ACER3: variants seen among roughly 807,000 people sequenced by gnomAD.
The protein encoded by ACER3 is alkaline ceramidase 3, also known as alkCDase 3.
In ACER3, 16 loss-of-function variants were observed where a neutral mutation model predicts 48.9. That is an observed-to-expected ratio of 0.33 (90% CI 0.22 to 0.50). The LOEUF (loss-of-function observed/expected upper bound fraction) is 0.50. Among genes scored for constraint, ACER3 ranks in the 20% least tolerant of loss-of-function variants. ACER3 has a pLI of 0.98. For missense variants in ACER3, 227 were observed against 326.0 expected (o/e 0.70, Z 2.34); for synonymous variants, 109 against 107.8 (o/e 1.01, Z -0.07).
At chr11:76,928,895 G>C (rs1012120061) in intron 2 of ACER3, among the ~76,000 whole-genome samples, 4 of 152,198 alleles carry the variant, frequency 2.6e-5, no homozygotes, top group African/African-American at 9.6e-5. Flanking sequence ...CAGGTAGAGT[G>C]ATGCCTCCAG....
intron 1 of ACER3, among the ~76,000 whole-genome samples, chr11:76,903,114 A>G (rs1040625997): frequency 1.3e-5 from 2 of 152,158 alleles, no homozygotes; most frequent in Admixed American, 1.3e-4. Flanking sequence ...TTTCCAAGCT[A>G]CATAGTTTGT....
intron 9 of ACER3, among the ~76,000 whole-genome samples, chr11:77,017,671 T>G (rs1021118625): frequency 6.6e-6 from 1 of 152,192 alleles, no homozygotes; most frequent in Non-Finnish European, 1.5e-5. Flanking sequence ...CAGATCAATC[T>G]TGAAAAAGAG....
chr11:76,941,039 ACG>A (rs56207128), intron 2 of ACER3, among the ~76,000 whole-genome samples: 66,380 of 136,024 alleles, frequency 0.49, 16,662 homozygotes, highest in Non-Finnish European at 0.6. Context: ...ACACACACAC[ACG>A]CACACACACA....
At chr11:77,002,744 C>A (rs1316616860) in intron 7 of ACER3, among the ~76,000 whole-genome samples, 1 of 152,070 alleles carries the variant, frequency 6.6e-6, no homozygotes, top group South Asian at 2.1e-4. Context: ...TTTTTTGGGG[C>A]ATTTTAAAAT....
intron 1 of ACER3, among the ~76,000 whole-genome samples, chr11:76,872,227 C>G (rs1031748888): frequency 1.3e-5 from 2 of 152,068 alleles, no homozygotes; most frequent in African/African-American, 4.8e-5. Context: ...CGGGCATGTG[C>G]CACCACCCCC....
chr11:76,900,012 A>G (rs1946039974), intron 1 of ACER3, among the ~76,000 whole-genome samples: 1 of 152,224 alleles, frequency 6.6e-6, no homozygotes, highest in Non-Finnish European at 1.5e-5. Context: ...TAATAAAGTA[A>G]GTGAAAGAAA....
At chr11:76,973,889 GTTAA>G (rs1948371513) in intron 3 of ACER3, among the ~76,000 whole-genome samples, 1 of 152,122 alleles carries the variant, frequency 6.6e-6, no homozygotes, top group African/African-American at 2.4e-5. Context: ...TCCATTTTGA[GTTAA>G]TTATTTATGT....
intron 1 of ACER3, among the ~76,000 whole-genome samples, chr11:76,861,316 G>A (rs989305117): frequency 5.5e-5 from 8 of 144,854 alleles, no homozygotes; most frequent in African/African-American, 2.0e-4. Context: ...GGATTGGGGG[G>A]GCAGAAGAGC....
intron 6 of ACER3, among the ~76,000 whole-genome samples, chr11:76,990,818 T>C (rs1024878757): frequency 6.6e-6 from 1 of 152,208 alleles, no homozygotes; most frequent in Non-Finnish European, 1.5e-5. Context: ...TATTCAGTAA[T>C]ACAGGTGCAA....
At chr11:77,019,617 ATGT>A in intron 9 of ACER3, 111 bp from the exon 10 acceptor site, 1 of 918,742 alleles carries the variant, frequency 1.1e-6, no homozygotes, top group Non-Finnish European at 1.8e-6. Context: ...GCATATACTC[ATGT>A]TGTTTTTGCT....
chr11:76,943,130 G>A (rs1291794203), intron 2 of ACER3, among the ~76,000 whole-genome samples: 1 of 151,600 alleles, frequency 6.6e-6, no homozygotes, highest in Non-Finnish European at 1.5e-5. Flanking sequence ...TTTTCATTTT[G>A]TTGATCCTTT....
At chr11:76,892,802 T>G (rs1945839635) in intron 1 of ACER3, among the ~76,000 whole-genome samples, 1 of 152,204 alleles carries the variant, frequency 6.6e-6, no homozygotes, top group African/African-American at 2.4e-5. Flanking sequence ...TCAGAAAGTC[T>G]TAGCCAGAGC....
intron 7 of ACER3, among the ~76,000 whole-genome samples, chr11:77,005,055 T>G (rs1308217366): frequency 2.4e-5 from 2 of 83,394 alleles, no homozygotes; most frequent in African/African-American, 4.3e-5. Flanking sequence ...TTTTTTTTTT[T>G]GAGACGGAGT....
intron 2 of ACER3, among the ~76,000 whole-genome samples, chr11:76,955,907 C>A (rs1947828052): frequency 6.6e-6 from 1 of 152,120 alleles, no homozygotes; most frequent in African/African-American, 2.4e-5. Context: ...CATAAATGAA[C>A]CTTGGAAACA....
chr11:76,876,139 T>C (rs1029807067), intron 1 of ACER3, among the ~76,000 whole-genome samples: 1 of 152,150 alleles, frequency 6.6e-6, no homozygotes, highest in Non-Finnish European at 1.5e-5. Flanking sequence ...TTTTGAGAAA[T>C]GCATACACCT....
chr11:76,958,343 T>A (rs1267044868), intron 2 of ACER3, among the ~76,000 whole-genome samples: 6 of 151,808 alleles, frequency 4.0e-5, no homozygotes, highest in African/African-American at 7.3e-5. Flanking sequence ...CCTGCCACCA[T>A]GACCAGCTAA....
chr11:76,934,044 A>G (rs543374449), intron 2 of ACER3, among the ~76,000 whole-genome samples: 7 of 151,372 alleles, frequency 4.6e-5, no homozygotes, highest in African/African-American at 1.7e-4. Context: ...CACATCTCAG[A>G]CAATGGGCGG....
chr11:76,970,677 GT>G (rs918156294), intron 3 of ACER3, among the ~76,000 whole-genome samples: 10 of 150,780 alleles, frequency 6.6e-5, no homozygotes, highest in African/African-American at 2.2e-4. Flanking sequence ...ATGTAGGTGA[GT>G]TTTTTTTTAA....
chr11:77,024,272 C>CAAAAAAAAAAAAAAAAAAAAAAAAAAA lies in ACER3; in HGVS notation c.*3948_*3974dup, dbSNP rs61767069. On this transcript the variant is annotated 3_prime_UTR_variant, in exon 11 of 11. Coordinates refer to ENST00000532485, the MANE Select transcript of ACER3 (RefSeq NM_018367.7). ...TGGGCAACAGAGTGAGACCCTGTCT[C>CAAAAAAAAAAAAAAAAAAAAAAAAAAA]AAAAAAAAAAAAAAAAAAAAAAAAA... is the stretch of plus-strand genomic sequence containing the variant. 15 of 53,928 alleles carry CAAAAAAAAAAAAAAAAAAAAAAAAAAA rather than the reference C, an allele frequency of 2.8e-4. 2 individuals carry two copies. Among genetic ancestry groups the CAAAAAAAAAAAAAAAAAAAAAAAAAAA allele is most frequent in the Non-Finnish European group, 5.6e-4 (12 of 21,324 alleles). The allele number at this position is 53,928 out of a possible 1,614,324, so 3.3% of individuals were successfully genotyped here. A position where few individuals can be genotyped will look rare whatever the true frequency, so the allele number is the denominator to read the frequency against.
Sources: allele counts gnomAD v4.1 joint callset (sites outside exome capture counted in the v4.1 genomes callset), GRCh38; gene constraint gnomAD v4.1.1; transcripts MANE v1.5; gene names NCBI Gene and HGNC (gene_info 2026-07-23, HGNC 2026-07-21).